ETNPPL: variants seen among roughly 807,000 people sequenced by gnomAD.
ETNPPL encodes ethanolamine-phosphate phospho-lyase, also known as alanine--glyoxylate aminotransferase 2-like 1.
ETNPPL carries 30 observed loss-of-function variants against 55.5 expected under a neutral mutation model. The observed-to-expected ratio is 0.54, with a 90% CI of 0.40 to 0.73. The LOEUF (loss-of-function observed/expected upper bound fraction) is 0.73, where lower values mean the gene tolerates loss of function less well. ETNPPL is among the 30% of genes least tolerant of loss of function. The pLI is 0.00. For missense variants in ETNPPL, 528 were observed against 607.9 expected, an observed-to-expected ratio of 0.87 and a Z score of 1.38; for synonymous variants, 202 against 207.2, an observed-to-expected ratio of 0.98 and a Z score of 0.21.
intron 3 of ETNPPL, among the ~76,000 whole-genome samples, chr4:108,758,409 G>C (rs959754545): frequency 6.6e-6 from 1 of 152,080 alleles, no homozygotes; most frequent in African/African-American, 2.4e-5. Context: ...CTAAATATCT[G>C]CATAATAGTC....
chr4:108,762,478 T>C (rs572877293), intron 1 of ETNPPL: 2 of 651,664 alleles, frequency 3.1e-6, no homozygotes, highest in South Asian at 3.0e-5. Context: ...TCGAGTTGTG[T>C]GGGGGTGGCG....
intron 9 of ETNPPL, among the ~76,000 whole-genome samples, chr4:108,747,141 TATATATA>T (rs1473410772): frequency 4.6e-4 from 11 of 23,840 alleles, no homozygotes; most frequent in African/African-American, 1.8e-3. Context: ...TATATATATA[TATATATA>T]ATATATATAT....
chr4:108,745,596 A>AAAAT lies in ETNPPL; in HGVS notation c.1303+799_1303+802dup, dbSNP rs953866727. Among the ~76,000 whole-genome samples the AAAAT allele has an allele frequency of 2.4e-3, 358 of 151,950 alleles. 2 individuals carry two copies. Among genetic ancestry groups the AAAAT allele is most frequent in the African/African-American group, 8.3e-3 (343 of 41,448 alleles). ...GTGACACAGCAAGACTCTGTCTCAG[A>AAAAT]AAATAAATAAATAAATAAAAATTTA... On this transcript the variant is annotated intron_variant, in intron 11 of 12. Transcript: ENST00000296486.
chr4:108,762,724 G>A (rs984471144), intron 1 of ETNPPL, 119 bp downstream of exon 1: 31 of 1,260,472 alleles, frequency 2.5e-5, no homozygotes, highest in Non-Finnish European at 3.5e-5. Flanking sequence ...GCACAGGCGC[G>A]GCGGGCACGG....
chr4:108,748,256 G>C (rs79309044), intron 8 of ETNPPL, 97 bp from the exon 9 acceptor site: 10,872 of 725,768 alleles, frequency 0.015, 104 homozygotes, highest in Non-Finnish European at 0.019. Flanking sequence ...CATAAGTGAA[G>C]ATATAATTTA....
At chr4:108,742,638 A>G in intron 12 of ETNPPL, 26 bp from the exon 13 acceptor site, 1 of 1,613,028 alleles carries the variant, frequency 6.2e-7, no homozygotes, top group Non-Finnish European at 8.5e-7. Context: ...ACAAAGCTCC[A>G]GTGGGCATCC....
At chr4:108,758,648 C>A (rs60210114) in intron 3 of ETNPPL, among the ~76,000 whole-genome samples, 23,289 of 152,186 alleles carry the variant, frequency 0.15, 2,541 homozygotes, top group East Asian at 0.48. Flanking sequence ...AGGTGCCTGC[C>A]TGGAGATGGC....
rs372242295 is a variant in ETNPPL, at chr4:108,759,299, G to C, written c.335+450C>G. On this transcript the variant is annotated intron_variant, in intron 3 of 12. Transcript: ENST00000296486. ...GCCTGTAATCCCAGCTACTTGGGAG[G>C]CTGAGGCAGGAGAATAGCGTGAACC... Among the ~76,000 whole-genome samples, 21 of 150,794 alleles carry C rather than the reference G, an allele frequency of 1.4e-4. No individual in the cohort carries two copies. In the East Asian group the frequency reaches 3.5e-3, roughly 25 times the overall value.
At chr4:108,754,899 T>C in intron 4 of ETNPPL, 189 bp from the exon 5 acceptor site, 1 of 500,820 alleles carries the variant, frequency 2.0e-6, no homozygotes, top group South Asian at 3.2e-5. Context: ...TGTACAATTC[T>C]TCTTTTACAT....
chr4:108,759,303 A>T (rs1337747868), intron 3 of ETNPPL, among the ~76,000 whole-genome samples: 8 of 146,832 alleles, frequency 5.4e-5, no homozygotes, highest in Non-Finnish European at 1.0e-4. Flanking sequence ...TGGGAGGCTG[A>T]GGCAGGAGAA....
In ETNPPL at chr4:108,748,094, G is replaced by A. The variant is rs768320780; in HGVS notation, c.993C>T (p.Asp331=). The A allele has an allele frequency of 6.2e-7, 1 of 1,610,734 alleles. No homozygotes were observed. The highest frequency in any genetic ancestry group is 1.1e-5 in the South Asian group (1 of 90,754). Residue 331 remains aspartate, a synonymous_variant, in exon 9 of 13, where the codon GAC becomes GAT. Coordinates refer to ENST00000296486, the MANE Select transcript of ETNPPL (RefSeq NM_031279.4). The part of the protein sequence containing the change: ...LAVLDIIENE[D]LQGNAKRVGN... ...CTACTCTCTTGGCATTTCCTTGAAGGTCTTCATTTTCAATTATATCCAGGA... is the reference window on the plus strand; with the variant it reads ...CTACTCTCTTGGCATTTCCTTGAAGATCTTCATTTTCAATTATATCCAGGA...
At chr4:108,759,139 C>T (rs560265661) in intron 3 of ETNPPL, among the ~76,000 whole-genome samples, 2 of 151,984 alleles carry the variant, frequency 1.3e-5, no homozygotes, top group East Asian at 3.9e-4. Flanking sequence ...GGGAAATATG[C>T]TCAATTTTCA....
At chr4:108,758,963 C>T (rs547545289) in intron 3 of ETNPPL, among the ~76,000 whole-genome samples, 3 of 151,098 alleles carry the variant, frequency 2.0e-5, no homozygotes, top group Non-Finnish European at 3.0e-5. Context: ...GCAGGAGAAT[C>T]ACTCAAACCC....
rs1457621011 is a variant in ETNPPL, at chr4:108,755,499, G to A, written c.411-789C>T. 2.0e-5 allele frequency among the ~76,000 whole-genome samples: 3 copies of A among 151,980 alleles called. No individual in the cohort carries two copies. The East Asian group carries it at 5.8e-4, about 29-fold the overall frequency. On this transcript the variant is annotated intron_variant, in intron 4 of 12. Coordinates refer to ENST00000296486, the MANE Select transcript of ETNPPL (RefSeq NM_031279.4). ...ATCTGAAGTTAGTGAGTGGGGTGGA[G>A]GAGTAGACAAAAATTTAAAAGAAAA...
intron 10 of ETNPPL, 51 bp downstream of exon 10, chr4:108,746,711 T>A: frequency 6.4e-7 from 1 of 1,558,598 alleles, no homozygotes; most frequent in Non-Finnish European, 8.9e-7. Flanking sequence ...TTCAAGTGGG[T>A]AGGCATCCTG....
intron 12 of ETNPPL, among the ~76,000 whole-genome samples, chr4:108,742,956 A>T (rs1380104931): frequency 6.6e-6 from 1 of 152,070 alleles, no homozygotes; most frequent in African/African-American, 2.4e-5. Flanking sequence ...TGATTCTTAG[A>T]CTTGATAAAC....
intron 1 of ETNPPL, among the ~76,000 whole-genome samples, chr4:108,761,494 A>C (rs2125683796): frequency 6.6e-6 from 1 of 152,356 alleles, no homozygotes; most frequent in South Asian, 2.1e-4. Flanking sequence ...AAATCCAAAA[A>C]AAAACTTTGT....
chr4:108,749,272 G>A lies in ETNPPL; in HGVS notation c.893C>T (p.Ala298Val), dbSNP rs1348662377. The A allele has an allele frequency of 1.2e-6, 2 of 1,613,432 alleles. No individual in the cohort carries two copies. Among genetic ancestry groups the A allele is most frequent in the African/African-American group, 2.7e-5 (2 of 74,886 alleles). ...CVVTTKEIAEAFSSSGMEYFN... is the reference protein window; with the variant it reads ...CVVTTKEIAEVFSSSGMEYFN... ...ATATTCCATCCCAGAGCTGCTGAAGGCTTCTGCAATTTCTTTGGTTGTTAC... is the reference window on the plus strand; with the variant it reads ...ATATTCCATCCCAGAGCTGCTGAAGACTTCTGCAATTTCTTTGGTTGTTAC... Residue 298 changes from alanine to valine, a missense_variant, in exon 8 of 13, where the codon GCC becomes GTC. By Grantham distance (64) the Ala-to-Val change is moderately conservative. Coordinates refer to ENST00000296486, the MANE Select transcript of ETNPPL (RefSeq NM_031279.4).
chr4:108,746,695 C>A (rs1222597468), intron 10 of ETNPPL, 67 bp downstream of exon 10: 1 of 1,531,248 alleles, frequency 6.5e-7, no homozygotes, highest in Non-Finnish European at 9.0e-7. Flanking sequence ...GGAAGTCAAG[C>A]AAGCTTTCAA....
Sources: allele counts gnomAD v4.1 joint callset (sites outside exome capture counted in the v4.1 genomes callset), GRCh38; gene constraint gnomAD v4.1.1; transcripts MANE v1.5; gene names NCBI Gene and HGNC (gene_info 2026-07-23, HGNC 2026-07-21).